CCDC138: variants seen among roughly 807,000 people sequenced by gnomAD.
CCDC138 encodes coiled-coil domain-containing protein 138.
CCDC138 carries 66 observed loss-of-function variants against 82.3 expected under a neutral mutation model. The ratio of observed to expected loss-of-function variants is 0.80; its 90% CI spans 0.66 to 0.98. The LOEUF is 0.98. Among genes scored for constraint, CCDC138 ranks in the 50% least tolerant of loss-of-function variants. The probability of loss-of-function intolerance (pLI) is 0.00; values close to 1 mark genes in which losing one functional copy is unlikely to be tolerated. For missense variants in CCDC138, 816 were observed against 758.9 expected (o/e 1.08, Z -0.88); for synonymous variants, 297 against 265.4 (o/e 1.12, Z -1.16).
chr2:108,798,185 C>A (rs1188816176), intron 5 of CCDC138, among the ~76,000 whole-genome samples: 1 of 152,058 alleles, frequency 6.6e-6, no homozygotes, highest in Non-Finnish European at 1.5e-5. Flanking sequence ...CCATTTTGGA[C>A]CCTAAATTCT....
intron 6 of CCDC138, among the ~76,000 whole-genome samples, chr2:108,802,886 A>G (rs1182489507): frequency 6.6e-6 from 1 of 152,200 alleles, no homozygotes; most frequent in African/African-American, 2.4e-5. Flanking sequence ...TGTTGAGATA[A>G]TCACGTGGTT....
In CCDC138 at chr2:108,839,286, A is replaced by AG; in HGVS notation, c.1309dup (p.Asp437GlyfsTer18). The AG allele has an allele frequency of 6.2e-7, 1 of 1,611,506 alleles. No individual in the cohort carries two copies. The highest frequency in any genetic ancestry group is 8.5e-7 in the Non-Finnish European group (1 of 1,178,880). ...TTATATATTGGTCCCTAAGGCAGCT[A>AG]GATGCTGGAGCACAGGTAATTGGTT... On this transcript the variant is annotated frameshift_variant, in exon 11 of 15. Coordinates refer to ENST00000295124, the MANE Select transcript of CCDC138 (RefSeq NM_144978.3). LOFTEE classifies it high-confidence loss of function.
chr2:108,810,195 G>A (rs74817005), intron 7 of CCDC138, among the ~76,000 whole-genome samples: 1,932 of 152,288 alleles, frequency 0.013, 51 homozygotes, highest in African/African-American at 0.045. Flanking sequence ...CAAGAGTGGT[G>A]AGAATGAGCA....
rs375336920 is a variant in CCDC138 at position 108,833,852 on chromosome 2, C to G, written c.1207-5333C>G. Reference sequence around the variant, plus strand: ...ACGCCATTCTCCTGCCTCAGCCTCCCGAGTAGCTGGGACTACAGGCGCCCG... The same window carrying G: ...ACGCCATTCTCCTGCCTCAGCCTCCGGAGTAGCTGGGACTACAGGCGCCCG... On this transcript the variant is annotated intron_variant, in intron 10 of 14. Transcript: ENST00000295124. Among the ~76,000 whole-genome samples the G allele has an allele frequency of 1.7e-4, 26 of 149,030 alleles. No homozygotes were observed. The East Asian group carries it at 4.9e-3, about 28-fold the overall frequency.
chr2:108,789,408 C>G lies in CCDC138; in HGVS notation c.266+442C>G, dbSNP rs141196130. On this transcript the variant is annotated intron_variant, in intron 3 of 14. Coordinates refer to ENST00000295124, the MANE Select transcript of CCDC138 (RefSeq NM_144978.3). ...AGGAGTTTGAGACCATCCTGGCCAA[C>G]ATGGTGAAATCCCGTTTCTACTAAA... Among the ~76,000 whole-genome samples the G allele has an allele frequency of 1.9e-3, 290 of 152,182 alleles. 3 individuals carry two copies. Among genetic ancestry groups the G allele is most frequent in the African/African-American group, 6.8e-3 (281 of 41,524 alleles).
At chr2:108,842,618 AGTT>A (rs1340275249) in intron 11 of CCDC138, among the ~76,000 whole-genome samples, 2 of 152,158 alleles carry the variant, frequency 1.3e-5, no homozygotes, top group Non-Finnish European at 2.9e-5. Context: ...CTGTGAGACA[AGTT>A]GTGCGGGCTT....
At chr2:108,861,845 C>A (rs1217733521) in intron 13 of CCDC138, among the ~76,000 whole-genome samples, 1 of 152,114 alleles carries the variant, frequency 6.6e-6, no homozygotes, top group Non-Finnish European at 1.5e-5. Context: ...CCTAAACTTT[C>A]TTCTTAGCAC....
chr2:108,842,955 A>T (rs1263518875), intron 11 of CCDC138, among the ~76,000 whole-genome samples: 1 of 152,204 alleles, frequency 6.6e-6, no homozygotes, highest in Non-Finnish European at 1.5e-5. Context: ...ATACGCTTAG[A>T]ACCACATTAG....
intron 10 of CCDC138, among the ~76,000 whole-genome samples, chr2:108,819,392 C>T (rs1685288155): frequency 6.6e-6 from 1 of 152,188 alleles, no homozygotes; most frequent in African/African-American, 2.4e-5. Flanking sequence ...TATCCAAAGT[C>T]TGCCCACAGG....
At chr2:108,787,301 G>A (rs1381405059) in intron 1 of CCDC138, among the ~76,000 whole-genome samples, 2 of 152,174 alleles carry the variant, frequency 1.3e-5, no homozygotes, top group Non-Finnish European at 2.9e-5. Context: ...GAATTCCCTT[G>A]TACCCTCACT....
intron 12 of CCDC138, among the ~76,000 whole-genome samples, chr2:108,848,137 A>G (rs905641745): frequency 6.6e-6 from 1 of 152,246 alleles, no homozygotes; most frequent in Non-Finnish European, 1.5e-5. Flanking sequence ...AATTTAATAT[A>G]AGAAAAATTA....
rs1250055327 is a variant in CCDC138 at position 108,812,612 on chromosome 2, A to T, written c.856-19A>T. 1 of 1,590,008 alleles carries T rather than the reference A, an allele frequency of 6.3e-7. No individual in the cohort carries two copies. Among genetic ancestry groups the T allele is most frequent in the African/African-American group, 1.3e-5 (1 of 74,538 alleles). Reference sequence around the variant, plus strand: ...GTTGAAGGTGTATATTGAAATATCTAACTTTTTCTACCCTTTAGTTAAATG... The same window carrying T: ...GTTGAAGGTGTATATTGAAATATCTTACTTTTTCTACCCTTTAGTTAAATG... On this transcript the variant is annotated intron_variant, in intron 7 of 14. Coordinates refer to ENST00000295124, the MANE Select transcript of CCDC138 (RefSeq NM_144978.3).
intron 6 of CCDC138, among the ~76,000 whole-genome samples, chr2:108,800,231 G>T (rs1681670734): frequency 6.6e-6 from 1 of 152,040 alleles, no homozygotes; most frequent in Admixed American, 6.6e-5. Flanking sequence ...TGATTTTAAA[G>T]CATTCAGCAA....
intron 5 of CCDC138, among the ~76,000 whole-genome samples, chr2:108,795,284 A>T (rs1420436020): frequency 1.3e-5 from 2 of 148,950 alleles, no homozygotes; most frequent in Admixed American, 6.9e-5. Context: ...CCTCCTGAGT[A>T]GCTGGGATTA....
intron 10 of CCDC138, among the ~76,000 whole-genome samples, chr2:108,828,774 C>G (rs1310161436): frequency 6.6e-6 from 1 of 152,056 alleles, no homozygotes; most frequent in East Asian, 1.9e-4. Context: ...GTCAGGAGTT[C>G]GAGACCAGCC....
intron 9 of CCDC138, among the ~76,000 whole-genome samples, chr2:108,813,248 C>CAAAA (rs371435296): frequency 0.024 from 1,492 of 63,232 alleles, 127 homozygotes; most frequent in East Asian, 0.055. Context: ...GACTCCGTCT[C>CAAAA]AAAAAAAAAA....
At chr2:108,883,413 T>G (rs1696345979) in intron 2 of CCDC138, 2 of 152,232 alleles carry the variant, frequency 1.3e-5, no homozygotes, top group Non-Finnish European at 2.9e-5. Flanking sequence ...CTTTCAGTCT[T>G]GAGCACAATG....
intron 13 of CCDC138, among the ~76,000 whole-genome samples, chr2:108,866,545 C>T (rs1157936187): frequency 1.3e-5 from 2 of 152,134 alleles, no homozygotes; most frequent in Non-Finnish European, 2.9e-5. Context: ...TTGACCACTT[C>T]CTTATGTTTT....
intron 9 of CCDC138, among the ~76,000 whole-genome samples, chr2:108,814,598 T>C (rs1684432629): frequency 6.6e-6 from 1 of 151,868 alleles, no homozygotes; most frequent in Non-Finnish European, 1.5e-5. Flanking sequence ...TGTTGCCTAT[T>C]TATTAATTTG....
Sources: gnomAD v4.1 joint callset for allele counts (sites outside exome capture counted in the v4.1 genomes callset) on GRCh38, gnomAD v4.1.1 for gene constraint, MANE v1.5 for transcripts, NCBI Gene and HGNC (gene_info 2026-07-23, HGNC 2026-07-21) for gene names.